The following RGS7 variants were observed in gnomAD, a reference collection of about 807,000 sequenced individuals.
The protein encoded by RGS7 is regulator of G protein signaling 7, also known as regulator of G-protein signaling 7.
A neutral mutation model predicts 81.1 loss-of-function variants in RGS7; 27 were observed. The ratio of observed to expected loss-of-function variants is 0.33; its 90% CI spans 0.25 to 0.46. RGS7 has a LOEUF of 0.46. Ranked by LOEUF, RGS7 falls within the 20% of genes least tolerant of loss-of-function variation. The probability of loss-of-function intolerance (pLI) is 1.00; values close to 1 mark genes in which losing one functional copy is unlikely to be tolerated. For synonymous variants in RGS7, 208 were observed against 207.7 expected (o/e 1.00, Z -0.01); for missense variants, 396 against 607.4 (o/e 0.65, Z 3.66).
intron 3 of RGS7, among the ~76,000 whole-genome samples, chr1:241,088,329 G>A (rs2063602080): frequency 6.6e-6 from 1 of 151,972 alleles, no homozygotes; most frequent in East Asian, 1.9e-4. Context: ...AAGAGGATCA[G>A]AACACGCCAC....
At chr1:241,129,644 C>G (rs1158210853) in intron 2 of RGS7, among the ~76,000 whole-genome samples, 1 of 152,124 alleles carries the variant, frequency 6.6e-6, no homozygotes, top group African/African-American at 2.4e-5. Context: ...AATCAACCCC[C>G]TAAAGAGCAG....
intron 3 of RGS7, among the ~76,000 whole-genome samples, chr1:241,078,301 CTGTGTG>C (rs71568986): frequency 0.031 from 4,043 of 130,200 alleles, 104 homozygotes; most frequent in African/African-American, 0.078. Flanking sequence ...CTTCTGGTCT[CTGTGTG>C]TGTGTGTGTG....
chr1:241,139,998 T>A (rs919028986), intron 2 of RGS7, among the ~76,000 whole-genome samples: 1 of 152,202 alleles, frequency 6.6e-6, no homozygotes, highest in Non-Finnish European at 1.5e-5. Flanking sequence ...TACCCCTTTA[T>A]GTGAACAGCC....
At chr1:241,287,387 C>T (rs568097553) in intron 2 of RGS7, among the ~76,000 whole-genome samples, 46 of 152,208 alleles carry the variant, frequency 3.0e-4, no homozygotes, top group Non-Finnish European at 4.9e-4. Context: ...ATAAGTCTCA[C>T]GAGATCTGAT....
intron 2 of RGS7, among the ~76,000 whole-genome samples, chr1:241,168,818 G>A (rs2070488163): frequency 6.6e-6 from 1 of 152,046 alleles, no homozygotes; most frequent in Non-Finnish European, 1.5e-5. Flanking sequence ...AATGAGCAGA[G>A]GTAGAAGTCA....
chr1:241,073,976 C>T (rs1231483182), intron 3 of RGS7, among the ~76,000 whole-genome samples: 1 of 151,924 alleles, frequency 6.6e-6, no homozygotes, highest in East Asian at 1.9e-4. Flanking sequence ...TCTCAGCTCA[C>T]CGTAACCTCC....
chr1:240,786,681 A>G (rs1414385975), intron 18 of RGS7, among the ~76,000 whole-genome samples: 1 of 152,242 alleles, frequency 6.6e-6, no homozygotes, highest in African/African-American at 2.4e-5. Context: ...CTGCCTATGG[A>G]TTAGCCCTGC....
At chr1:241,013,053 C>CTTT (rs146066815) in intron 3 of RGS7, among the ~76,000 whole-genome samples, 221 of 80,342 alleles carry the variant, frequency 2.8e-3, no homozygotes, top group African/African-American at 8.7e-3. Context: ...CTGACCCCTC[C>CTTT]TTTTTTTTTT....
At chr1:240,864,190 T>G (rs866034025) in intron 9 of RGS7, among the ~76,000 whole-genome samples, 3 of 152,210 alleles carry the variant, frequency 2.0e-5, no homozygotes, top group South Asian at 2.1e-4. Context: ...CCACTCTTTA[T>G]GACTGGCCTT....
chr1:241,267,236 G>C (rs949029281), intron 2 of RGS7, among the ~76,000 whole-genome samples: 1 of 152,162 alleles, frequency 6.6e-6, no homozygotes, highest in East Asian at 1.9e-4. Context: ...TGCCTGAGAT[G>C]TCTTTGTTCC....
At chr1:240,966,505 T>A (rs1374111619) in intron 4 of RGS7, among the ~76,000 whole-genome samples, 1 of 152,114 alleles carries the variant, frequency 6.6e-6, no homozygotes, top group Non-Finnish European at 1.5e-5. Context: ...TTGCTTGAGT[T>A]TTCCAGAACG....
chr1:241,001,527 G>GA (rs1365243435), intron 3 of RGS7, among the ~76,000 whole-genome samples: 3 of 151,928 alleles, frequency 2.0e-5, no homozygotes, highest in Non-Finnish European at 4.4e-5. Flanking sequence ...CAGAAAAGAA[G>GA]AAAAGGCACT....
intron 10 of RGS7, among the ~76,000 whole-genome samples, chr1:240,824,867 G>C (rs1239952638): frequency 6.6e-6 from 1 of 152,100 alleles, no homozygotes; most frequent in Admixed American, 6.6e-5. Context: ...TGGTTGTTTT[G>C]TTTTGTTTTT....
chr1:240,874,860 G>T (rs1363555167), intron 6 of RGS7, among the ~76,000 whole-genome samples: 1 of 152,036 alleles, frequency 6.6e-6, no homozygotes, highest in Non-Finnish European at 1.5e-5. Context: ...GGCCAATATG[G>T]TGAAACCCTA....
At chr1:240,782,441 G>C (rs1170542633) in intron 18 of RGS7, among the ~76,000 whole-genome samples, 1 of 151,900 alleles carries the variant, frequency 6.6e-6, no homozygotes, top group Non-Finnish European at 1.5e-5. Context: ...TAAATTTTTC[G>C]AGACAGGGTC....
intron 3 of RGS7, among the ~76,000 whole-genome samples, chr1:241,077,948 G>A (rs552832037): frequency 4.8e-4 from 73 of 152,062 alleles, no homozygotes; most frequent in Admixed American, 9.8e-4. Context: ...ATTTTATGAC[G>A]TCACATGATG....
chr1:241,082,136 T>A (rs994608897), intron 3 of RGS7, among the ~76,000 whole-genome samples: 3 of 152,250 alleles, frequency 2.0e-5, no homozygotes, highest in African/African-American at 7.2e-5. Flanking sequence ...TACACCTGAG[T>A]TACTTGCACA....
intron 2 of RGS7, among the ~76,000 whole-genome samples, chr1:241,219,687 T>A (rs1289087046): frequency 6.6e-6 from 1 of 152,216 alleles, no homozygotes; most frequent in Non-Finnish European, 1.5e-5. Flanking sequence ...CACCTTTGTA[T>A]GTTTGCAGAG....
intron 6 of RGS7, among the ~76,000 whole-genome samples, chr1:240,916,797 A>G (rs2148280712): frequency 6.6e-6 from 1 of 152,318 alleles, no homozygotes; most frequent in East Asian, 1.9e-4. Flanking sequence ...CTACCCTCAT[A>G]TTTATTGATG....
Sources: allele counts gnomAD v4.1 joint callset (sites outside exome capture counted in the v4.1 genomes callset), GRCh38; gene constraint gnomAD v4.1.1; transcripts MANE v1.5; gene names NCBI Gene and HGNC (gene_info 2026-07-23, HGNC 2026-07-21).